The following AGBL4 variants were observed in gnomAD, a reference collection of about 807,000 sequenced individuals.
AGBL4 encodes the protein AGBL carboxypeptidase 4, also known as cytosolic carboxypeptidase 6.
In AGBL4, 58 loss-of-function variants were observed where a neutral mutation model predicts 66.4. The ratio of observed to expected loss-of-function variants is 0.87; its 90% confidence interval spans 0.71 to 1.09. The LOEUF (loss-of-function observed/expected upper bound fraction) is 1.09. AGBL4 is among the 50% of genes least tolerant of loss of function. AGBL4 has a pLI of 0.00. For synonymous variants in AGBL4, 234 were observed against 222.9 expected (o/e 1.05, Z -0.44); for missense variants, 579 against 631.0 (o/e 0.92, Z 0.88).
intron 3 of AGBL4, among the ~76,000 whole-genome samples, chr1:49,487,026 A>G (rs1647082280): frequency 6.6e-6 from 1 of 152,054 alleles, no homozygotes; most frequent in African/African-American, 2.4e-5. Context: ...GTGATCAAAG[A>G]TGTTCCACTC....
At chr1:49,528,372 T>TAATC (rs1048653700) in intron 3 of AGBL4, among the ~76,000 whole-genome samples, 3 of 152,122 alleles carry the variant, frequency 2.0e-5, no homozygotes, top group African/African-American at 7.2e-5. Flanking sequence ...CAAAGAATCC[T>TAATC]AATCAATATA....
At chr1:49,814,103 A>C (rs1055424142) in intron 2 of AGBL4, among the ~76,000 whole-genome samples, 1 of 152,126 alleles carries the variant, frequency 6.6e-6, no homozygotes, top group Non-Finnish European at 1.5e-5. Flanking sequence ...CCATGAGTCC[A>C]TTATAAATTA....
At chr1:48,845,317 G>T (rs1458584550) in intron 6 of AGBL4, among the ~76,000 whole-genome samples, 2 of 152,154 alleles carry the variant, frequency 1.3e-5, no homozygotes, top group African/African-American at 4.8e-5. Context: ...ACTGACCTAG[G>T]ACTCAATCTA....
chr1:49,932,388 T>G (rs1252805182), intron 1 of AGBL4, among the ~76,000 whole-genome samples: 1 of 152,116 alleles, frequency 6.6e-6, no homozygotes, highest in Non-Finnish European at 1.5e-5. Context: ...TAAATTAATA[T>G]GAAAACTATA....
chr1:48,874,924 C>A (rs1445036772), intron 5 of AGBL4, among the ~76,000 whole-genome samples: 3 of 152,190 alleles, frequency 2.0e-5, no homozygotes, highest in African/African-American at 7.2e-5. Context: ...ACAAGATCTT[C>A]TTTCTACCTC....
intron 3 of AGBL4, among the ~76,000 whole-genome samples, chr1:49,283,179 C>T (rs539026961): frequency 5.4e-4 from 82 of 152,310 alleles, no homozygotes; most frequent in Non-Finnish European, 9.4e-4. Context: ...GATCTGAGAA[C>T]GGGCAGACTG....
chr1:49,187,227 C>A (rs1557711015), intron 4 of AGBL4: 1 of 152,142 alleles, frequency 6.6e-6, no homozygotes, highest in Non-Finnish European at 1.5e-5. Context: ...ATGCCTCTCT[C>A]TTGTTTCTCG....
At chr1:49,806,506 TGG>T (rs1644980141) in intron 2 of AGBL4, among the ~76,000 whole-genome samples, 1 of 152,046 alleles carries the variant, frequency 6.6e-6, no homozygotes, top group Admixed American at 6.6e-5. Flanking sequence ...AATTTAAAGA[TGG>T]AATTTTAAAT....
chr1:49,541,703 G>A (rs1382631581), intron 3 of AGBL4, among the ~76,000 whole-genome samples: 3 of 152,226 alleles, frequency 2.0e-5, no homozygotes, highest in Non-Finnish European at 2.9e-5. Context: ...GGGCTGAGGA[G>A]TGCAACGGCG....
chr1:49,841,920 A>G, intron 2 of AGBL4: 1 of 629,052 alleles, frequency 1.6e-6, no homozygotes, highest in South Asian at 1.6e-5. Flanking sequence ...CCACAGACCC[A>G]GTGAGAATCT....
At chr1:49,400,678 C>T (rs1164210262) in intron 3 of AGBL4, among the ~76,000 whole-genome samples, 1 of 152,100 alleles carries the variant, frequency 6.6e-6, no homozygotes, top group Non-Finnish European at 1.5e-5. Context: ...TCGCTGCTGG[C>T]ACATGAAAAT....
chr1:49,474,129 T>G (rs985335637), intron 3 of AGBL4, among the ~76,000 whole-genome samples: 1 of 152,118 alleles, frequency 6.6e-6, no homozygotes, highest in Non-Finnish European at 1.5e-5. Flanking sequence ...TAGTTCCATA[T>G]GAACTTTATG....
intron 3 of AGBL4, among the ~76,000 whole-genome samples, chr1:49,447,466 C>A (rs1243477648): frequency 6.6e-6 from 1 of 152,126 alleles, no homozygotes; most frequent in African/African-American, 2.4e-5. Flanking sequence ...TGCAAATATG[C>A]AAGCTGTGGT....
At chr1:49,727,530 T>C (rs1301753858) in intron 2 of AGBL4, among the ~76,000 whole-genome samples, 2 of 152,086 alleles carry the variant, frequency 1.3e-5, no homozygotes, top group Non-Finnish European at 2.9e-5. Flanking sequence ...TTGAACCAAT[T>C]AAAACGTTTG....
chr1:49,556,782 G>T (rs1213611822), intron 3 of AGBL4, among the ~76,000 whole-genome samples: 2 of 152,164 alleles, frequency 1.3e-5, no homozygotes, highest in Admixed American at 1.3e-4. Context: ...GGGAAGGCTC[G>T]TGCGGTGCAA....
Position 48,632,865 on chromosome 1 carries a change from C to G in AGBL4, c.951+1628G>C, listed in dbSNP as rs189812948. On this transcript the variant is annotated intron_variant, in intron 9 of 13. Coordinates refer to ENST00000371839, the MANE Select transcript of AGBL4 (RefSeq NM_032785.4). ...GAACTCTGCAGACTACAGATTCTTC[C>G]TGAGAAAATCAGAAGCAGTTTCTCT... 4.9e-3 allele frequency among the ~76,000 whole-genome samples: 751 copies of G among 152,322 alleles called. 2 individuals are homozygous for G. Among genetic ancestry groups the G allele is most frequent in the Non-Finnish European group, 7.0e-3 (479 of 68,036 alleles).
At chr1:49,427,298 C>T (rs1343967184) in intron 3 of AGBL4, among the ~76,000 whole-genome samples, 2 of 151,758 alleles carry the variant, frequency 1.3e-5, no homozygotes, top group Admixed American at 1.3e-4. Context: ...TGGGCTAGGA[C>T]CCGAGAGAGT....
At chr1:49,106,812 A>G (rs1645301655) in intron 4 of AGBL4, among the ~76,000 whole-genome samples, 1 of 152,210 alleles carries the variant, frequency 6.6e-6, no homozygotes, top group Non-Finnish European at 1.5e-5. Context: ...ATATCCTTCC[A>G]ATATTATTGT....
chr1:49,454,326 T>C (rs1646343283), intron 3 of AGBL4, among the ~76,000 whole-genome samples: 1 of 151,760 alleles, frequency 6.6e-6, no homozygotes, highest in South Asian at 2.1e-4. Flanking sequence ...AAAAGGAAGC[T>C]GACTCCAAGT....
Sources: allele counts gnomAD v4.1 joint callset (sites outside exome capture counted in the v4.1 genomes callset), GRCh38; gene constraint gnomAD v4.1.1; transcripts MANE v1.5; gene names NCBI Gene and HGNC (gene_info 2026-07-23, HGNC 2026-07-21).